The following ZNF883 variants were observed in gnomAD, a reference collection of about 807,000 sequenced individuals.
The protein encoded by ZNF883 is zinc finger protein 883.
At chr9:112,997,386 G>A in exon 1 of ZNF883, 1 of 1,613,918 alleles carries the variant, frequency 6.2e-7, no homozygotes, top group Non-Finnish European at 8.5e-7. Flanking sequence ...CATTGATAGG[G>A]TTTCACACAA....
upstream of ZNF883, chr9:112,998,326 C>T: frequency 7.9e-7 from 1 of 1,270,196 alleles, no homozygotes; most frequent in Non-Finnish European, 1.0e-6. Flanking sequence ...TAGGTGTTGG[C>T]TTTTCATTTA....
At chr9:112,993,575 G>C (rs1213071291), downstream of ZNF883, among the ~76,000 whole-genome samples, 1 of 152,220 alleles carries the variant, frequency 6.6e-6, no homozygotes, top group Non-Finnish European at 1.5e-5. Context: ...GCTGCCCCTT[G>C]GCAGAGGAGG....
chr9:112,997,051 G>T, downstream of ZNF883: 1 of 1,422,862 alleles, frequency 7.0e-7, no homozygotes, highest in Non-Finnish European at 9.3e-7. Flanking sequence ...CAATCCTAGG[G>T]TTGCTTGAAC....
exon 1 of ZNF883, chr9:112,997,847 G>C (rs1189268968): frequency 1.2e-6 from 2 of 1,613,194 alleles, no homozygotes; most frequent in Non-Finnish European, 1.7e-6. Flanking sequence ...AGTAAGGGCA[G>C]AGATATGGCT....
intron 2 of ZNF883, among the ~76,000 whole-genome samples, chr9:113,009,240 T>A (rs1486145182): frequency 6.6e-6 from 1 of 152,194 alleles, no homozygotes; most frequent in Non-Finnish European, 1.5e-5. Context: ...CACCATCACC[T>A]CCTACGTTTT....
chr9:112,989,089 T>C (rs1333201244), intron 1 of ZNF883, among the ~76,000 whole-genome samples: 3 of 152,222 alleles, frequency 2.0e-5, no homozygotes, highest in African/African-American at 7.2e-5. Context: ...TTCTGTTCAC[T>C]CTGATGATAG....
chr9:113,011,052 A>T (rs905600719), intron 2 of ZNF883, 89 bp downstream of exon 2: 8 of 152,022 alleles, frequency 5.3e-5, no homozygotes, highest in Non-Finnish European at 7.4e-5. Flanking sequence ...AGGGACGTTT[A>T]ATTGCATATG....
At chr9:112,995,539 TTC>T (rs1209472092), downstream of ZNF883, among the ~76,000 whole-genome samples, 2 of 151,472 alleles carry the variant, frequency 1.3e-5, no homozygotes, top group African/African-American at 4.9e-5. Context: ...CTACTTTCCT[TTC>T]TCTCTCTCTC....
At chr9:112,999,223 T>A (rs1828397693), upstream of ZNF883, 1 of 152,200 alleles carries the variant, frequency 6.6e-6, no homozygotes, top group Non-Finnish European at 1.5e-5. Flanking sequence ...AGTTTTTCAA[T>A]ATAAGTGCTG....
upstream of ZNF883, among the ~76,000 whole-genome samples, chr9:113,002,428 A>G (rs1022795964): frequency 2.0e-5 from 3 of 152,184 alleles, no homozygotes; most frequent in African/African-American, 7.2e-5. Context: ...CACTACATAA[A>G]TACTAAAAAA....
chr9:113,007,108 C>T (rs7875752), intron 2 of ZNF883, among the ~76,000 whole-genome samples: 9,134 of 152,158 alleles, frequency 0.06, 439 homozygotes, highest in African/African-American at 0.13. Context: ...GCAGGAGAAT[C>T]GCTTGAAACT....
chr9:113,008,206 T>G (rs1828497188), intron 2 of ZNF883, among the ~76,000 whole-genome samples: 2 of 152,210 alleles, frequency 1.3e-5, no homozygotes, highest in African/African-American at 4.8e-5. Context: ...ATAAAGCATA[T>G]TCTCTTTAAT....
At chr9:112,999,601 C>T (rs913661926), upstream of ZNF883, 13 of 152,224 alleles carry the variant, frequency 8.5e-5, no homozygotes, top group Admixed American at 7.9e-4. Context: ...CCTATAACCC[C>T]TCTTTCTCTG....
At chr9:112,989,022 A>C (rs1187547638) in intron 1 of ZNF883, among the ~76,000 whole-genome samples, 1 of 152,022 alleles carries the variant, frequency 6.6e-6, no homozygotes, top group African/African-American at 2.4e-5. Context: ...TAGACTCTGG[A>C]TATTAGACCT....
At chr9:112,996,558 G>A (rs945610143), downstream of ZNF883, among the ~76,000 whole-genome samples, 25 of 151,448 alleles carry the variant, frequency 1.7e-4, 1 homozygote, top group African/African-American at 5.6e-4. Flanking sequence ...TTGGGAGGCC[G>A]AGGCGGGCAG....
chr9:112,989,569 T>C (rs1828282327), intron 1 of ZNF883, among the ~76,000 whole-genome samples: 1 of 152,252 alleles, frequency 6.6e-6, no homozygotes, highest in East Asian at 1.9e-4. Context: ...CCTCCAGCTT[T>C]GTTCTTTTTG....
chr9:112,997,418 G>C, exon 1 of ZNF883: 1 of 1,614,014 alleles, frequency 6.2e-7, no homozygotes, highest in Non-Finnish European at 8.5e-7. Context: ...TAGATGTTCA[G>C]TAAGGTGTGT....
upstream of ZNF883, among the ~76,000 whole-genome samples, chr9:113,003,158 T>G (rs1828442659): frequency 6.6e-6 from 1 of 152,184 alleles, no homozygotes; most frequent in African/African-American, 2.4e-5. Context: ...TTGGGCCAGG[T>G]GGAGATAACT....
downstream of ZNF883, among the ~76,000 whole-genome samples, chr9:112,993,263 G>A (rs965947576): frequency 5.3e-5 from 8 of 152,258 alleles, no homozygotes; most frequent in African/African-American, 1.4e-4. Context: ...TTTTTTGTGG[G>A]ACTTTTTTGT....
Sources: allele counts gnomAD v4.1 joint callset (sites outside exome capture counted in the v4.1 genomes callset), GRCh38; gene constraint gnomAD v4.1.1; transcripts MANE v1.5; gene names NCBI Gene and HGNC (gene_info 2026-07-23, HGNC 2026-07-21).